Variants in ABCC3 observed in about 807,000 individuals in gnomAD.
The protein encoded by ABCC3 is ATP binding cassette subfamily C member 3.
A neutral mutation model predicts 165.3 loss-of-function variants in ABCC3; 121 were observed. The observed-to-expected ratio is 0.73, with a 90% CI of 0.63 to 0.85. The LOEUF (loss-of-function observed/expected upper bound fraction) is 0.85, where lower values mean the gene tolerates loss of function less well. Among genes scored for constraint, ABCC3 ranks in the 40% least tolerant of loss-of-function variants. The pLI, the probability that ABCC3 is intolerant of heterozygous loss-of-function variation, is 0.00. For synonymous variants in ABCC3, 733 were observed against 810.1 expected (o/e 0.90, Z 1.62); for missense variants, 1,869 against 1,964.1 (o/e 0.95, Z 0.92).
intron 1 of ABCC3, among the ~76,000 whole-genome samples, chr17:50,649,950 G>A (rs1967083038): frequency 6.6e-6 from 1 of 152,198 alleles, no homozygotes; most frequent in African/African-American, 2.4e-5. Flanking sequence ...AAGACAGCAT[G>A]AAGCACAGGA....
chr17:50,659,436 G>A, intron 7 of ABCC3, 68 bp downstream of exon 7: 1 of 1,534,434 alleles, frequency 6.5e-7, no homozygotes, highest in Non-Finnish European at 8.8e-7. Context: ...AGAGGACGCT[G>A]GTAGACCTTG....
At position 50,676,499 on chromosome 17, in the gene ABCC3, G is replaced by C; in HGVS notation, c.3289G>C (p.Ala1097Pro). ...ILMLLNSFFN[A>P]ISTLVVIMAS... Reference sequence around the variant, plus strand: ...CATGCTGCTCAATTCCTTCTTCAACGCCATCTCCACTCTTGTGGTCATCAT... The same window carrying C: ...CATGCTGCTCAATTCCTTCTTCAACCCCATCTCCACTCTTGTGGTCATCAT... Residue 1097 changes from alanine to proline, a missense_variant, in exon 23 of 31, where the codon GCC (alanine) becomes CCC (proline). Physicochemically the swap from Ala to Pro is conservative, Grantham distance 27 (BLOSUM62 -1). Transcript: ENST00000285238. The C allele has an allele frequency of 6.2e-7, 1 of 1,613,434 alleles. No homozygotes were observed. The highest frequency in any genetic ancestry group is 1.1e-5 in the South Asian group (1 of 91,026).
chr17:50,684,197 C>T, intron 28 of ABCC3, 90 bp downstream of exon 28: 1 of 1,481,536 alleles, frequency 6.7e-7, no homozygotes, highest in Non-Finnish European at 9.0e-7. Context: ...GAGACTGGGA[C>T]CCCAGTCTCA....
At chr17:50,661,160 G>A (rs1421178123) in intron 8 of ABCC3, 46 bp downstream of exon 8, 2 of 1,509,748 alleles carry the variant, frequency 1.3e-6, no homozygotes, top group Non-Finnish European at 1.8e-6. Flanking sequence ...TGGGCAGCAG[G>A]GCTGGCTGGC....
Position 50,683,987 on chromosome 17 carries a change from C to T in ABCC3, c.3993C>T (p.Ser1331=). 6.2e-7 allele frequency: 1 copy of T among 1,613,630 alleles called. No homozygotes were observed. The highest frequency in any genetic ancestry group is 8.5e-7 in the Non-Finnish European group (1 of 1,179,804). The change falls in exon 28 of 31, where the codon TCC becomes TCT. Residue 1331 remains serine, a synonymous_variant. Transcript: ENST00000285238. ...GCCGCACTGGGGCTGGCAAGTCTTC[C>T]ATGACCCTTTGCCTGTTCCGCATCC... The part of the protein sequence containing the change: ...IVGRTGAGKS[S]MTLCLFRILE...
intron 10 of ABCC3, 82 bp downstream of exon 10, chr17:50,664,193 G>T (rs1285525344): frequency 6.4e-7 from 1 of 1,555,578 alleles, no homozygotes; most frequent in Admixed American, 1.7e-5. Flanking sequence ...GGAACTGGGA[G>T]CATGGCACAT....
At chr17:50,639,322 C>T (rs2054206348) in intron 1 of ABCC3, among the ~76,000 whole-genome samples, 1 of 152,214 alleles carries the variant, frequency 6.6e-6, no homozygotes, top group Non-Finnish European at 1.5e-5. Context: ...GCTGGCTTCT[C>T]CTCAATCCTG....
chr17:50,689,865 A>AG (rs1968087611), intron 30 of ABCC3, among the ~76,000 whole-genome samples: 1 of 152,182 alleles, frequency 6.6e-6, no homozygotes, highest in Non-Finnish European at 1.5e-5. Context: ...CAGCAGCCCT[A>AG]GGGTGAGGGG....
In ABCC3 at chr17:50,669,239, G is replaced by T. The variant is rs758673110; in HGVS notation, c.2037G>T (p.Glu679Asp). The T allele has an allele frequency of 1.2e-6, 2 of 1,613,814 alleles. No individual in the cohort carries two copies. The highest frequency in any genetic ancestry group is 2.7e-5 in the African/African-American group (2 of 74,934). Residue 679 changes from glutamate (E) to aspartate (D), a missense_variant, in exon 16 of 31, where the codon GAG (glutamate) becomes GAT (aspartate). Transcript: ENST00000285238. Reference protein sequence around the residue: ...SLVSALLGEMEKLEGKVHMKG... With the variant: ...SLVSALLGEMDKLEGKVHMKG... ...TGTCTGCCCTGCTGGGAGAGATGGAGAAGCTAGAAGGCAAAGTGCACATGA... is the reference window on the plus strand; with the variant it reads ...TGTCTGCCCTGCTGGGAGAGATGGATAAGCTAGAAGGCAAAGTGCACATGA...
chr17:50,658,623 GCACAGGGCAGATGA>G, intron 6 of ABCC3, 127 bp downstream of exon 6: 3 of 1,048,578 alleles, frequency 2.9e-6, no homozygotes, highest in Non-Finnish European at 4.4e-6. Flanking sequence ...ACCGCAGTGG[GCACAGGGCAGATGA>G]GGGTAGGGAA....
In ABCC3 at chr17:50,656,836, G is replaced by A. The variant is rs1967261209; in HGVS notation, c.348+9G>A. 3 of 1,598,452 alleles carry A rather than the reference G, an allele frequency of 1.9e-6. No individual in the cohort carries two copies. Among genetic ancestry groups the A allele is most frequent in the Non-Finnish European group, 1.7e-6 (2 of 1,174,086 alleles). ...TGGTGGGGGTCACCATGGTCAGTGTGGGGCCCTGGGAAAGTGGATGGGGGA... is the reference window on the plus strand; with the variant it reads ...TGGTGGGGGTCACCATGGTCAGTGTAGGGCCCTGGGAAAGTGGATGGGGGA... On this transcript the variant is annotated intron_variant, in intron 3 of 30. Coordinates refer to ENST00000285238, the MANE Select transcript of ABCC3 (RefSeq NM_003786.4).
intron 1 of ABCC3, among the ~76,000 whole-genome samples, chr17:50,644,911 A>G (rs1820300563): frequency 6.6e-6 from 1 of 151,492 alleles, no homozygotes; most frequent in Non-Finnish European, 1.5e-5. Context: ...TCAGCCAATC[A>G]GGAGGCTGAG....
intron 17 of ABCC3, among the ~76,000 whole-genome samples, chr17:50,671,297 T>C (rs1967641893): frequency 6.6e-6 from 1 of 151,958 alleles, no homozygotes; most frequent in Non-Finnish European, 1.5e-5. Context: ...AATCATTTCT[T>C]AGTGTACAGT....
rs1182696191 is a variant in ABCC3, at chr17:50,665,151, A to C, written c.1339-2A>C. 6.2e-7 allele frequency: 1 copy of C among 1,613,986 alleles called. No homozygotes were observed. Among genetic ancestry groups the C allele is most frequent in the African/African-American group, 1.3e-5 (1 of 74,928 alleles). ...GTCATCTATCCACCGGTGCCTCCTC[A>C]GAACCTAGGTCCCTCTGTCCTGGCT... On this transcript the variant is annotated splice_acceptor_variant, in intron 10 of 30. Coordinates refer to ENST00000285238, the MANE Select transcript of ABCC3 (RefSeq NM_003786.4). LOFTEE classifies it high-confidence loss of function.
chr17:50,690,450 T>C (rs1968102838), intron 30 of ABCC3, among the ~76,000 whole-genome samples: 1 of 152,100 alleles, frequency 6.6e-6, no homozygotes, highest in Non-Finnish European at 1.5e-5. Flanking sequence ...CCCCCTCCCA[T>C]GGAGGAGCAC....
intron 13 of ABCC3, 25 bp downstream of exon 13, chr17:50,668,034 T>C (rs764179322): frequency 1.3e-6 from 2 of 1,597,932 alleles, no homozygotes; most frequent in African/African-American, 2.7e-5. Flanking sequence ...GGCTGGGGGC[T>C]CTACTGGAGT....
chr17:50,653,828 T>A (rs577561851), intron 1 of ABCC3, among the ~76,000 whole-genome samples: 5 of 151,604 alleles, frequency 3.3e-5, no homozygotes, highest in Non-Finnish European at 7.4e-5. Flanking sequence ...AAGTAGTACT[T>A]ACAGAGAGAA....
At chr17:50,640,401 G>A (rs888700705) in intron 1 of ABCC3, among the ~76,000 whole-genome samples, 6 of 152,234 alleles carry the variant, frequency 3.9e-5, no homozygotes, top group African/African-American at 1.4e-4. Flanking sequence ...CTGGCCCACA[G>A]CAGGAGCTCA....
intron 19 of ABCC3, among the ~76,000 whole-genome samples, chr17:50,673,880 C>T (rs189180165): frequency 3.2e-4 from 48 of 150,904 alleles, no homozygotes; most frequent in African/African-American, 1.1e-3. Flanking sequence ...TCAGATCCTC[C>T]GCCCCGGTCT....
Sources: gnomAD v4.1 joint callset for allele counts (sites outside exome capture counted in the v4.1 genomes callset) on GRCh38, gnomAD v4.1.1 for gene constraint, MANE v1.5 for transcripts, NCBI Gene and HGNC (gene_info 2026-07-23, HGNC 2026-07-21) for gene names.